The following SHCBP1 variants were observed in gnomAD, a reference collection of about 807,000 sequenced individuals.
The protein encoded by SHCBP1 is SHC SH2 domain-binding protein 1.
Under a neutral mutation model 75.1 loss-of-function variants are expected in SHCBP1, and 60 were observed. The observed-to-expected ratio is 0.80, with a 90% CI of 0.65 to 0.99. The LOEUF (loss-of-function observed/expected upper bound fraction) is 0.99. Ranked by LOEUF, SHCBP1 falls within the 50% of genes least tolerant of loss-of-function variation. The probability of loss-of-function intolerance (pLI) is 0.00; values close to 1 mark genes in which losing one functional copy is unlikely to be tolerated. For missense variants in SHCBP1, 709 were observed against 809.4 expected, an observed-to-expected ratio of 0.88 and a Z score of 1.50; for synonymous variants, 290 against 293.2, an observed-to-expected ratio of 0.99 and a Z score of 0.11.
chr16:46,582,608 A>G (rs1404202578), intron 12 of SHCBP1, among the ~76,000 whole-genome samples: 1 of 152,208 alleles, frequency 6.6e-6, no homozygotes, highest in Non-Finnish European at 1.5e-5. Flanking sequence ...TGCCAGCCCC[A>G]GCAAACAGCC....
At chr16:46,591,919 AAAAT>A (rs1409010858) in intron 10 of SHCBP1, among the ~76,000 whole-genome samples, 1 of 152,110 alleles carries the variant, frequency 6.6e-6, no homozygotes, top group African/African-American at 2.4e-5. Context: ...CCAACGAATA[AAAAT>A]AAATATCAAA....
chr16:46,615,556 A>G (rs1482836595), intron 4 of SHCBP1, among the ~76,000 whole-genome samples: 1 of 152,168 alleles, frequency 6.6e-6, no homozygotes, highest in African/African-American at 2.4e-5. Context: ...CCTGGCCAAC[A>G]TAGTGAAACC....
chr16:46,582,137 C>T, intron 12 of SHCBP1, 83 bp from the exon 13 acceptor site: 3 of 1,396,092 alleles, frequency 2.1e-6, no homozygotes, highest in Non-Finnish European at 1.9e-6. Context: ...GTCTTCTCAA[C>T]AAGCAGCTGC....
At chr16:46,587,904 A>G (rs1231040840) in intron 10 of SHCBP1, among the ~76,000 whole-genome samples, 1 of 152,226 alleles carries the variant, frequency 6.6e-6, no homozygotes. Flanking sequence ...AATTGACCAC[A>G]TAGTTGGAAG....
intron 8 of SHCBP1, among the ~76,000 whole-genome samples, chr16:46,600,354 A>T (rs1965213946): frequency 6.6e-6 from 1 of 152,118 alleles, no homozygotes. Context: ...ATTACTCACT[A>T]CTCAAGGAGG....
intron 10 of SHCBP1, among the ~76,000 whole-genome samples, chr16:46,594,660 T>A (rs1035236181): frequency 6.6e-6 from 1 of 151,988 alleles, no homozygotes; most frequent in Non-Finnish European, 1.5e-5. Flanking sequence ...GTACAACTAC[T>A]CTGAAAACAT....
intron 5 of SHCBP1, among the ~76,000 whole-genome samples, chr16:46,605,530 G>A (rs1403861449): frequency 6.6e-6 from 1 of 152,174 alleles, no homozygotes; most frequent in Non-Finnish European, 1.5e-5. Context: ...CAAGGCTGCT[G>A]TGAGATCTAA....
At chr16:46,620,581 A>T (rs1317094327) in intron 1 of SHCBP1, 1 of 152,212 alleles carries the variant, frequency 6.6e-6, no homozygotes, top group Non-Finnish European at 1.5e-5. Context: ...TGCCAGTTGG[A>T]TAGGTGGGTT....
Position 46,603,512 on chromosome 16 carries a change from G to C in SHCBP1, c.1213+27C>G, listed in dbSNP as rs747213379. On this transcript the variant is annotated intron_variant, in intron 8 of 12. Transcript: ENST00000303383. ...TTACTTAAACATATCACGTGTGAGA[G>C]TTTGGTTGTGTGTCTTCCATACTCA... The C allele has an allele frequency of 6.8e-6, 11 of 1,613,806 alleles. No individual in the cohort carries two copies. The Admixed American group carries it at 1.8e-4, about 27-fold the overall frequency.
Position 46,618,353 on chromosome 16 carries a change from A to C in SHCBP1, c.123T>G (p.Asp41Glu). 1 of 1,599,434 alleles carries C rather than the reference A, an allele frequency of 6.3e-7. No homozygotes were observed. Among genetic ancestry groups the C allele is most frequent in the East Asian group, 2.2e-5 (1 of 44,784 alleles). ...SLEKGLFQDEDSCSDCSYRDK... is the reference protein window; with the variant it reads ...SLEKGLFQDEESCSDCSYRDK... Reference sequence around the variant, plus strand: ...CACGGTAGCTACAATCACTGCATGAATCTTCATCTTGGAACAAACCTAAAA... The same window carrying C: ...CACGGTAGCTACAATCACTGCATGACTCTTCATCTTGGAACAAACCTAAAA... The change falls in exon 2 of 13, where the codon GAT becomes GAG. Residue 41 changes from aspartate to glutamate, a missense_variant. Coordinates refer to ENST00000303383, the MANE Select transcript of SHCBP1 (RefSeq NM_024745.5).
chr16:46,611,600 G>A (rs1204982458), intron 4 of SHCBP1, among the ~76,000 whole-genome samples: 2 of 152,204 alleles, frequency 1.3e-5, no homozygotes, highest in African/African-American at 4.8e-5. Context: ...GATTAGAATT[G>A]TTTGGGGTCT....
intron 4 of SHCBP1, among the ~76,000 whole-genome samples, chr16:46,611,826 T>C (rs1428358384): frequency 6.6e-6 from 1 of 152,232 alleles, no homozygotes; most frequent in Non-Finnish European, 1.5e-5. Context: ...GTCAACCTGA[T>C]CCACCCTCTA....
chr16:46,595,726 T>G, intron 9 of SHCBP1, 56 bp from the exon 10 acceptor site: 2 of 1,292,580 alleles, frequency 1.5e-6, no homozygotes, highest in Non-Finnish European at 2.2e-6. Context: ...TTTCCAATGT[T>G]AGAGATAGCC....
At position 46,618,322 on chromosome 16, in the gene SHCBP1, G is replaced by T. The variant is rs779228165; in HGVS notation, c.154C>A (p.Pro52Thr). The change falls in exon 2 of 13, where the codon CCA becomes ACA. Residue 52 changes from proline to threonine, a missense_variant. Coordinates refer to ENST00000303383, the MANE Select transcript of SHCBP1 (RefSeq NM_024745.5). Reference protein sequence around the residue: ...SCSDCSYRDKPGSSLQSFMPE... With the variant: ...SCSDCSYRDKTGSSLQSFMPE... ...ATAAAACTTTGTAAACTAGAACCTG[G>T]TTTATCACGGTAGCTACAATCACTG... The T allele has an allele frequency of 1.2e-6, 2 of 1,612,756 alleles. No individual in the cohort carries two copies. Among genetic ancestry groups the T allele is most frequent in the Admixed American group, 3.3e-5 (2 of 59,852 alleles).
chr16:46,589,481 G>A (rs983115847), intron 10 of SHCBP1, among the ~76,000 whole-genome samples: 26 of 152,112 alleles, frequency 1.7e-4, no homozygotes, highest in Non-Finnish European at 3.4e-4. Flanking sequence ...CAAAGTCTCA[G>A]GATACAAAAT....
chr16:46,619,600 T>C (rs1965554265), intron 1 of SHCBP1, among the ~76,000 whole-genome samples: 1 of 152,218 alleles, frequency 6.6e-6, no homozygotes, highest in Non-Finnish European at 1.5e-5. Context: ...TGTTAATAAT[T>C]TACAACAGTG....
chr16:46,609,006 T>C (rs918250429), intron 4 of SHCBP1, among the ~76,000 whole-genome samples: 2 of 152,216 alleles, frequency 1.3e-5, no homozygotes, highest in African/African-American at 2.4e-5. Context: ...AGGTTTGGGA[T>C]TGAAAATAAC....
At chr16:46,587,254 A>G (rs1300158722) in intron 10 of SHCBP1, among the ~76,000 whole-genome samples, 1 of 152,196 alleles carries the variant, frequency 6.6e-6, no homozygotes, top group East Asian at 1.9e-4. Context: ...TTATGTACAT[A>G]TAATATACAA....
chr16:46,600,630 T>C, intron 8 of SHCBP1, among the ~76,000 whole-genome samples: 1 of 152,250 alleles, frequency 6.6e-6, no homozygotes, highest in East Asian at 1.9e-4. Flanking sequence ...CTAATTTTAA[T>C]ATTCTCTTAA....
Sources: gnomAD v4.1 joint callset for allele counts (sites outside exome capture counted in the v4.1 genomes callset) on GRCh38, gnomAD v4.1.1 for gene constraint, MANE v1.5 for transcripts, NCBI Gene and HGNC (gene_info 2026-07-23, HGNC 2026-07-21) for gene names.